NAALAD2: variants seen among roughly 807,000 people sequenced by gnomAD.
NAALAD2 encodes N-acetylated alpha-linked acidic dipeptidase 2, also known as N-acetylated-alpha-linked acidic dipeptidase 2.
Under a neutral mutation model 95.6 loss-of-function variants are expected in NAALAD2, and 89 were observed. The ratio of observed to expected loss-of-function variants is 0.93; its 90% CI spans 0.78 to 1.11. NAALAD2 has a LOEUF of 1.11. NAALAD2 is among the 50% of genes least tolerant of loss of function. NAALAD2 has a pLI of 0.00. For missense variants in NAALAD2, 894 were observed against 872.4 expected (o/e 1.02, Z -0.31); for synonymous variants, 264 against 294.4 (o/e 0.90, Z 1.06).
At chr11:90,167,558 C>T (rs962596499) in intron 11 of NAALAD2, among the ~76,000 whole-genome samples, 3 of 152,234 alleles carry the variant, frequency 2.0e-5, no homozygotes, top group Admixed American at 6.5e-5. Context: ...GGCAGCTCCA[C>T]CTGTGGCCCC....
chr11:90,177,766 T>G, intron 15 of NAALAD2, 87 bp from the exon 16 acceptor site: 1 of 1,328,600 alleles, frequency 7.5e-7, no homozygotes, highest in Non-Finnish European at 1.0e-6. Context: ...TGTTATTTTT[T>G]CTATAGTTAT....
chr11:90,191,443 CTTA>C (rs201401093), intron 18 of NAALAD2, 112 bp from the exon 19 acceptor site: 14 of 637,308 alleles, frequency 2.2e-5, no homozygotes, highest in African/African-American at 1.7e-4. Flanking sequence ...CAACTGTCTT[CTTA>C]TTATAGGAAC....
chr11:90,157,690 G>A (rs1017237788), intron 6 of NAALAD2, among the ~76,000 whole-genome samples: 3 of 151,362 alleles, frequency 2.0e-5, no homozygotes, highest in African/African-American at 7.3e-5. Context: ...ATTAAATAAA[G>A]ATGTATTAGG....
chr11:90,178,174 A>G, intron 16 of NAALAD2, 57 bp downstream of exon 16: 3 of 1,496,738 alleles, frequency 2.0e-6, no homozygotes, highest in African/African-American at 1.4e-5. Context: ...TTAAGATATT[A>G]TCTCCTATGA....
At position 90,147,423 on chromosome 11, in the gene NAALAD2, T is replaced by C; in HGVS notation, c.288T>C (p.Asp96=). The change falls in exon 3 of 19, where the codon GAT becomes GAC. Residue 96 remains aspartate, a synonymous_variant. Transcript: ENST00000534061. ...CCCAGTGGAAGAAATTTGGACTAGA[T>C]TCAGCCAAGTTGGTTCATTATGATG... The part of the protein sequence containing the change: ...IQTQWKKFGL[D]SAKLVHYDVL... The C allele has an allele frequency of 6.2e-7, 1 of 1,614,004 alleles. No homozygotes were observed. Among genetic ancestry groups the C allele is most frequent in the Non-Finnish European group, 8.5e-7 (1 of 1,179,910 alleles).
At position 90,151,249 on chromosome 11, in the gene NAALAD2, A is replaced by G. The variant is rs117189518; in HGVS notation, c.609+642A>G. 1.8e-3 allele frequency among the ~76,000 whole-genome samples: 278 copies of G among 152,276 alleles called. 4 individuals are homozygous for G. In the East Asian group the frequency reaches 0.029, roughly 16 times the overall value. On this transcript the variant is annotated intron_variant, in intron 5 of 18. Transcript: ENST00000534061. ...TAAAATGCGAATGACGAGGGCACCAATCTCATAGAGTCCTTATTGAATGAC... is the reference window on the plus strand; with the variant it reads ...TAAAATGCGAATGACGAGGGCACCAGTCTCATAGAGTCCTTATTGAATGAC...
intron 2 of NAALAD2, among the ~76,000 whole-genome samples, chr11:90,144,909 G>A (rs1372993432): frequency 6.6e-6 from 1 of 152,056 alleles, no homozygotes; most frequent in Non-Finnish European, 1.5e-5. Context: ...GGGCTTAAAT[G>A]TGGGAACAAT....
chr11:90,133,687 A>G (rs564598651), upstream of NAALAD2, among the ~76,000 whole-genome samples: 3 of 152,220 alleles, frequency 2.0e-5, no homozygotes, highest in Non-Finnish European at 4.4e-5. Flanking sequence ...GGCTTGAAGA[A>G]TATGCAATGG....
intron 15 of NAALAD2, 138 bp downstream of exon 15, chr11:90,176,200 G>A (rs768941106): frequency 1.7e-6 from 1 of 597,898 alleles, no homozygotes; most frequent in Non-Finnish European, 3.0e-6. Flanking sequence ...TAGACTGCAT[G>A]TCCCTTTCCA....
intron 11 of NAALAD2, among the ~76,000 whole-genome samples, chr11:90,166,849 A>AG (rs71052268): frequency 0.41 from 61,040 of 148,800 alleles, 12,887 homozygotes; most frequent in African/African-American, 0.5. Flanking sequence ...AAAAAAAAAA[A>AG]AAAGAAAATG....
chr11:90,163,681 C>T lies in NAALAD2; in HGVS notation c.1278+64C>T, dbSNP rs757936366. ...CAACAGGGAACAAATATGTATGTGTCTCAGGATGATCAAAAATATATTCCA... is the reference window on the plus strand; with the variant it reads ...CAACAGGGAACAAATATGTATGTGTTTCAGGATGATCAAAAATATATTCCA... On this transcript the variant is annotated intron_variant, in intron 11 of 18. Coordinates refer to ENST00000534061, the MANE Select transcript of NAALAD2 (RefSeq NM_005467.4). The T allele has an allele frequency of 4.3e-6, 6 of 1,401,552 alleles. No individual in the cohort carries two copies. The East Asian group carries it at 1.2e-4, about 27-fold the overall frequency. The allele number at this position is 1,401,552 out of a possible 1,614,324, so 86.8% of individuals were successfully genotyped here. A position where few individuals can be genotyped will look rare whatever the true frequency, so the allele number is the denominator to read the frequency against.
intron 18 of NAALAD2, among the ~76,000 whole-genome samples, chr11:90,191,346 A>T (rs1158628370): frequency 6.6e-6 from 1 of 150,470 alleles, no homozygotes; most frequent in Admixed American, 6.6e-5. Flanking sequence ...GCAACATGGT[A>T]TATGATTCCT....
At chr11:90,182,895 A>G in intron 17 of NAALAD2, 21 bp from the exon 18 acceptor site, 2 of 1,517,854 alleles carry the variant, frequency 1.3e-6, no homozygotes, top group Non-Finnish European at 1.8e-6. Context: ...CGTTATAATT[A>G]TGTATATGTT....
At chr11:90,179,199 A>G (rs552981899) in intron 16 of NAALAD2, among the ~76,000 whole-genome samples, 27 of 152,290 alleles carry the variant, frequency 1.8e-4, no homozygotes, top group Admixed American at 1.2e-3. Context: ...TATTACAAAC[A>G]TTGTCTTTTA....
chr11:90,155,813 A>G (rs1952095394), intron 6 of NAALAD2, among the ~76,000 whole-genome samples: 1 of 127,998 alleles, frequency 7.8e-6, no homozygotes, highest in Admixed American at 8.9e-5. Flanking sequence ...TATATAATAT[A>G]TAATATATAT....
chr11:90,158,087 G>A, intron 6 of NAALAD2, 58 bp from the exon 7 acceptor site: 2 of 1,268,826 alleles, frequency 1.6e-6, no homozygotes. Flanking sequence ...AAAAATCCCT[G>A]TATATCTCTT....
rs557922142 is a variant in NAALAD2, at chr11:90,187,010, A to G, written c.2033+4002A>G. Among the ~76,000 whole-genome samples, 46 of 151,838 alleles carry G rather than the reference A, an allele frequency of 3.0e-4. No homozygotes were observed. In the South Asian group the frequency reaches 9.2e-3, roughly 30 times the overall value. On this transcript the variant is annotated intron_variant, in intron 18 of 18. Transcript: ENST00000534061. ...AAACAACCCCATCAAAAAGTGGGCG[A>G]AGGACATGAACAGACACTTCTCAAA...
At chr11:90,178,208 C>A in intron 16 of NAALAD2, 91 bp downstream of exon 16, 1 of 1,349,678 alleles carries the variant, frequency 7.4e-7, no homozygotes. Flanking sequence ...TTGTTTCATC[C>A]TAGAATACAT....
intron 14 of NAALAD2, 44 bp downstream of exon 14, chr11:90,173,959 G>C: frequency 8.0e-7 from 1 of 1,242,308 alleles, no homozygotes; most frequent in Non-Finnish European, 1.2e-6. Context: ...GATAAGTTAT[G>C]AATTCCCCTC....
Sources: gnomAD v4.1 joint callset for allele counts (sites outside exome capture counted in the v4.1 genomes callset) on GRCh38, gnomAD v4.1.1 for gene constraint, MANE v1.5 for transcripts, NCBI Gene and HGNC (gene_info 2026-07-23, HGNC 2026-07-21) for gene names.